The following SOX30 variants were observed in gnomAD, a reference collection of about 807,000 sequenced individuals.
SOX30 encodes the protein SRY-box transcription factor 30.
In SOX30, 17 loss-of-function variants were observed where a neutral mutation model predicts 58.6. The observed-to-expected ratio is 0.29, with a 90% confidence interval of 0.20 to 0.44. The LOEUF (loss-of-function observed/expected upper bound fraction) is 0.44, where lower values mean the gene tolerates loss of function less well. Among genes scored for constraint, SOX30 ranks in the 20% least tolerant of loss-of-function variants. SOX30 has a pLI of 1.00. For synonymous variants in SOX30, 421 were observed against 400.2 expected, an observed-to-expected ratio of 1.05 and a Z score of -0.62; for missense variants, 951 against 965.8, an observed-to-expected ratio of 0.98 and a Z score of 0.20.
chr5:157,654,519 A>T (rs889662606), upstream of SOX30, among the ~76,000 whole-genome samples: 3 of 152,208 alleles, frequency 2.0e-5, no homozygotes, highest in African/African-American at 7.2e-5. Context: ...GCAAAAGCTG[A>T]TAAAAGAGGC....
intron 2 of SOX30, among the ~76,000 whole-genome samples, chr5:157,661,033 T>C (rs1215902031): frequency 1.3e-5 from 2 of 152,246 alleles, no homozygotes; most frequent in African/African-American, 4.8e-5. Context: ...ATTAACTTTA[T>C]TTCTAAATCC....
At chr5:157,648,514 T>A (rs1054759015) in intron 2 of SOX30, 143 bp downstream of exon 2, 2 of 728,678 alleles carry the variant, frequency 2.7e-6, no homozygotes, top group African/African-American at 3.6e-5. Context: ...TTTCAATCAT[T>A]GTTATAATAT....
intron 2 of SOX30, among the ~76,000 whole-genome samples, chr5:157,662,593 A>G (rs1227821927): frequency 1.3e-5 from 2 of 152,206 alleles, no homozygotes; most frequent in Non-Finnish European, 2.9e-5. Context: ...TAAACCACAA[A>G]TAAAATTCAA....
At chr5:157,627,082 G>T (rs1265992586) in intron 4 of SOX30, among the ~76,000 whole-genome samples, 1 of 152,242 alleles carries the variant, frequency 6.6e-6, no homozygotes, top group Non-Finnish European at 1.5e-5. Context: ...GACACTCAGT[G>T]GTTGGGCGCG....
At chr5:157,627,799 C>A (rs969817233) in intron 4 of SOX30, among the ~76,000 whole-genome samples, 1 of 152,074 alleles carries the variant, frequency 6.6e-6, no homozygotes, top group Non-Finnish European at 1.5e-5. Flanking sequence ...TCGAGACCAT[C>A]CTGGCTAACA....
intron 4 of SOX30, among the ~76,000 whole-genome samples, chr5:157,630,468 G>A (rs1339954172): frequency 6.6e-6 from 1 of 152,048 alleles, no homozygotes; most frequent in Non-Finnish European, 1.5e-5. Context: ...TTGCTTGTTT[G>A]GGGTTGTAGT....
intron 2 of SOX30, among the ~76,000 whole-genome samples, chr5:157,666,445 C>T (rs1759672348): frequency 6.6e-6 from 1 of 150,476 alleles, no homozygotes; most frequent in Non-Finnish European, 1.5e-5. Context: ...GTGTGAGCCA[C>T]TATGCCCAGA....
rs752549193 is a variant in SOX30, at chr5:157,626,425, G to A, written c.2177C>T (p.Pro726Leu). ...CTGGATGCTAGAAGGAGTTGATGTC[G>A]GGGCTGTGAAGACATTCTCCAAGGT... ...IGTLENVFTA[P>L]TSTPSSIQQV... The change falls in exon 5 of 5, where the codon CCG (proline) becomes CTG (leucine). Residue 726 changes from proline to leucine, a missense_variant. Pro to Leu is a moderately conservative substitution (Grantham distance 98). Coordinates refer to ENST00000265007, the MANE Select transcript of SOX30 (RefSeq NM_178424.2). The A allele has an allele frequency of 2.0e-5, 33 of 1,613,912 alleles. No individual in the cohort carries two copies. Among genetic ancestry groups the A allele is most frequent in the Non-Finnish European group, 2.5e-5 (30 of 1,180,020 alleles).
intron 2 of SOX30, among the ~76,000 whole-genome samples, chr5:157,662,544 A>G (rs921497471): frequency 6.6e-6 from 1 of 152,200 alleles, no homozygotes. Context: ...TCAGTAGAAA[A>G]TATTTTATAA....
chr5:157,633,388 T>A (rs1758857124), intron 4 of SOX30, among the ~76,000 whole-genome samples: 1 of 152,208 alleles, frequency 6.6e-6, no homozygotes, highest in African/African-American at 2.4e-5. Context: ...CTGAAAATCA[T>A]CTCCAGGACC....
chr5:157,631,021 TTATATATATATAC>T (rs1758785343), intron 4 of SOX30, among the ~76,000 whole-genome samples: 1 of 114,074 alleles, frequency 8.8e-6, no homozygotes, highest in Admixed American at 1.2e-4. Flanking sequence ...ACTATATATT[TTATATATATATAC>T]AATATATATA....
chr5:157,654,164 C>CAAA (rs1168643558), upstream of SOX30, among the ~76,000 whole-genome samples: 3 of 78,634 alleles, frequency 3.8e-5, no homozygotes, highest in Non-Finnish European at 8.1e-5. Flanking sequence ...GACCCTGTCT[C>CAAA]AAAAAAAAAA....
rs921686547 is a variant in SOX30, at chr5:157,670,360, G to A, written c.-4+970C>T. Among the ~76,000 whole-genome samples, 9 of 152,292 alleles carry A rather than the reference G, an allele frequency of 5.9e-5. No homozygotes were observed. The South Asian group carries it at 1.9e-3, about 32-fold the overall frequency. On this transcript the variant is annotated intron_variant, in intron 1 of 5. Coordinates refer to the SOX30 transcript ENST00000519442. ...ACAGACATTAAATAGGCAATTACAGGCAGACAGAGCTTAAAAAGAGGATAA... is the reference window on the plus strand; with the variant it reads ...ACAGACATTAAATAGGCAATTACAGACAGACAGAGCTTAAAAAGAGGATAA...
intron 4 of SOX30, among the ~76,000 whole-genome samples, chr5:157,631,065 A>C (rs1437997630): frequency 4.6e-5 from 1 of 21,698 alleles, no homozygotes; most frequent in Non-Finnish European, 1.0e-4. Context: ...ATATATATAT[A>C]TATACACACA....
chr5:157,667,819 T>G (rs1321126883), exon 2 of SOX30: 9 of 1,535,546 alleles, frequency 5.9e-6, no homozygotes, highest in Non-Finnish European at 7.8e-6. Context: ...CACAGTAGAC[T>G]TTGTTCCTTC....
intron 4 of SOX30, among the ~76,000 whole-genome samples, chr5:157,635,628 A>C (rs866534783): frequency 2.0e-5 from 3 of 151,694 alleles, no homozygotes; most frequent in African/African-American, 7.2e-5. Context: ...TGTCTCAAAA[A>C]AAAAACAAAA....
intron 4 of SOX30, among the ~76,000 whole-genome samples, chr5:157,631,006 T>C (rs1211370312): frequency 7.5e-6 from 1 of 132,970 alleles, no homozygotes; most frequent in African/African-American, 2.8e-5. Context: ...ATTTTTTATA[T>C]ATATACTATA....
upstream of SOX30, among the ~76,000 whole-genome samples, chr5:157,652,825 T>C (rs1759396660): frequency 6.6e-6 from 1 of 152,186 alleles, no homozygotes; most frequent in South Asian, 2.1e-4. Flanking sequence ...GCCGTAACCC[T>C]GTAAATAGTC....
intron 2 of SOX30, among the ~76,000 whole-genome samples, chr5:157,666,680 T>C (rs550388233): frequency 2.7e-4 from 41 of 152,184 alleles, no homozygotes; most frequent in Non-Finnish European, 4.9e-4. Flanking sequence ...GAATAGGTAA[T>C]TTTATTAGCC....
Sources: gnomAD v4.1 joint callset for allele counts (sites outside exome capture counted in the v4.1 genomes callset) on GRCh38, gnomAD v4.1.1 for gene constraint, MANE v1.5 for transcripts, NCBI Gene and HGNC (gene_info 2026-07-23, HGNC 2026-07-21) for gene names.